NMNAT2: variants seen among roughly 807,000 people sequenced by gnomAD.
NMNAT2 encodes nicotinamide nucleotide adenylyltransferase 2.
NMNAT2 carries 11 observed loss-of-function variants against 41.6 expected under a neutral mutation model. That is an observed-to-expected ratio of 0.26 (90% CI 0.17 to 0.44). NMNAT2 has a LOEUF of 0.44. NMNAT2 is among the 20% of genes least tolerant of loss of function. NMNAT2 has a pLI of 1.00. For missense variants in NMNAT2, 288 were observed against 407.7 expected, an observed-to-expected ratio of 0.71 and a Z score of 2.53; for synonymous variants, 148 against 151.2, an observed-to-expected ratio of 0.98 and a Z score of 0.16.
intron 1 of NMNAT2, among the ~76,000 whole-genome samples, chr1:183,325,602 T>A (rs970136466): frequency 6.6e-6 from 1 of 152,210 alleles, no homozygotes; most frequent in East Asian, 1.9e-4. Flanking sequence ...GGAGTGACTT[T>A]AAATAAAACT....
At chr1:183,304,596 G>C in intron 1 of NMNAT2, 1 of 1,390,856 alleles carries the variant, frequency 7.2e-7, no homozygotes, top group Non-Finnish European at 1.0e-6. Flanking sequence ...ACAGAATCCT[G>C]TTTTCTTGAC....
intron 10 of NMNAT2, among the ~76,000 whole-genome samples, chr1:183,259,554 T>A (rs536215174): frequency 6.6e-6 from 1 of 152,284 alleles, no homozygotes; most frequent in East Asian, 1.9e-4. Context: ...ATGTTCCCCA[T>A]AGTCTTCTCT....
chr1:183,388,772 C>A (rs1648335655), intron 1 of NMNAT2, among the ~76,000 whole-genome samples: 2 of 152,204 alleles, frequency 1.3e-5, no homozygotes, highest in African/African-American at 4.8e-5. Context: ...TACATAAAGG[C>A]AGAGACTTCA....
chr1:183,300,945 G>C (rs1349133661), intron 1 of NMNAT2, among the ~76,000 whole-genome samples: 1 of 152,140 alleles, frequency 6.6e-6, no homozygotes, highest in Non-Finnish European at 1.5e-5. Context: ...TTAGAATATA[G>C]ATTCTGATTC....
intron 1 of NMNAT2, among the ~76,000 whole-genome samples, chr1:183,370,656 G>C (rs1284492680): frequency 6.6e-6 from 1 of 152,238 alleles, no homozygotes; most frequent in Non-Finnish European, 1.5e-5. Context: ...AGGCAGCGTT[G>C]AGGAGAGTAC....
Position 183,351,198 on chromosome 1 carries a change from A to G in NMNAT2, c.86-57405T>C, listed in dbSNP as rs188846182. 2.6e-5 allele frequency among the ~76,000 whole-genome samples: 4 copies of G among 152,368 alleles called. No individual in the cohort carries two copies. The East Asian group carries it at 7.7e-4, about 29-fold the overall frequency. ...ATAGGAGTTTTCTGGAGATAATACT[A>G]TAATCAAAAAAGAGGCCCAAAGGCA... On this transcript the variant is annotated intron_variant, in intron 1 of 10. Coordinates refer to ENST00000287713, the MANE Select transcript of NMNAT2 (RefSeq NM_015039.4).
At chr1:183,263,974 A>G (rs1332930357) in intron 8 of NMNAT2, among the ~76,000 whole-genome samples, 1 of 152,158 alleles carries the variant, frequency 6.6e-6, no homozygotes, top group African/African-American at 2.4e-5. Flanking sequence ...AGAGAAAGAG[A>G]TAGAAAAGAG....
At chr1:183,288,234 G>T (rs887208347) in intron 4 of NMNAT2, among the ~76,000 whole-genome samples, 1 of 152,262 alleles carries the variant, frequency 6.6e-6, no homozygotes, top group South Asian at 2.1e-4. Flanking sequence ...TCCTGCCCTC[G>T]TCAGCCCCCA....
chr1:183,333,767 A>G (rs1340965337), intron 1 of NMNAT2, among the ~76,000 whole-genome samples: 1 of 152,142 alleles, frequency 6.6e-6, no homozygotes, highest in East Asian at 1.9e-4. Context: ...AACTCAAGTC[A>G]TTGCTGGATA....
chr1:183,257,261 TA>T (rs1436228154), intron 10 of NMNAT2, among the ~76,000 whole-genome samples: 3 of 151,834 alleles, frequency 2.0e-5, no homozygotes, highest in Non-Finnish European at 4.4e-5. Context: ...GCCAACATAG[TA>T]AAACCCTGTC....
At chr1:183,273,582 G>GTA (rs1661039566) in intron 8 of NMNAT2, among the ~76,000 whole-genome samples, 1 of 152,130 alleles carries the variant, frequency 6.6e-6, no homozygotes, top group African/African-American at 2.4e-5. Context: ...GGCTCATTCT[G>GTA]TATCCACTCC....
chr1:183,301,391 A>G (rs545794635), intron 1 of NMNAT2, among the ~76,000 whole-genome samples: 25 of 152,380 alleles, frequency 1.6e-4, no homozygotes, highest in African/African-American at 6.0e-4. Context: ...ATTTCTGCAC[A>G]TTAGTAGAAA....
chr1:183,366,425 C>G (rs1663414615), intron 1 of NMNAT2, among the ~76,000 whole-genome samples: 1 of 152,214 alleles, frequency 6.6e-6, no homozygotes, highest in African/African-American at 2.4e-5. Flanking sequence ...TCATCATCAT[C>G]ATTAATTAGT....
rs148974058 is a variant in NMNAT2 at position 183,378,764 on chromosome 1, C to T, written c.85+39419G>A. 1.2e-3 allele frequency among the ~76,000 whole-genome samples: 175 copies of T among 151,884 alleles called. 1 individual carries two copies. The highest frequency in any genetic ancestry group is 3.7e-3 in the African/African-American group (153 of 41,378). ...ACACCAGTTTAAAAGTAGATATTGG[C>T]CAGGCGAGGTGGCTCATGCTTGTAA... On this transcript the variant is annotated intron_variant, in intron 1 of 10. Transcript: ENST00000287713.
At chr1:183,380,271 C>A (rs1420771238) in intron 1 of NMNAT2, among the ~76,000 whole-genome samples, 1 of 152,126 alleles carries the variant, frequency 6.6e-6, no homozygotes, top group Non-Finnish European at 1.5e-5. Flanking sequence ...GCTAACCTTA[C>A]CCCTGAATTT....
intron 8 of NMNAT2, among the ~76,000 whole-genome samples, chr1:183,270,768 G>A (rs570197957): frequency 8.3e-4 from 126 of 152,276 alleles, no homozygotes; most frequent in African/African-American, 2.4e-3. Flanking sequence ...GGTATCAGTC[G>A]TATCAGTGTG....
chr1:183,304,426 G>A (rs1034269053), intron 1 of NMNAT2, among the ~76,000 whole-genome samples: 1 of 152,180 alleles, frequency 6.6e-6, no homozygotes, highest in Non-Finnish European at 1.5e-5. Context: ...GGGGATGATA[G>A]GTTACCCACA....
Position 183,338,149 on chromosome 1 carries a change from T to TAAAA in NMNAT2, c.86-44360_86-44357dup, listed in dbSNP as rs59064477. 8.7e-3 allele frequency among the ~76,000 whole-genome samples: 841 copies of TAAAA among 96,376 alleles called. 27 individuals carry two copies. Among genetic ancestry groups the TAAAA allele is most frequent in the African/African-American group, 0.031 (782 of 25,240 alleles). 63.2% of individuals were successfully genotyped at this position (96,376 alleles called of 152,430 possible). A position where few individuals can be genotyped will look rare whatever the true frequency, so the allele number is the denominator to read the frequency against. ...CAACATAGTGAGACCCCCATCTCTT[T>TAAAA]AAAAAAAAAAAAAAAAAAAGCAAAT... On this transcript the variant is annotated intron_variant, in intron 1 of 10. Coordinates refer to ENST00000287713, the MANE Select transcript of NMNAT2 (RefSeq NM_015039.4).
intron 1 of NMNAT2, among the ~76,000 whole-genome samples, chr1:183,351,393 A>T (rs867373653): frequency 2.0e-5 from 3 of 152,194 alleles, no homozygotes; most frequent in Non-Finnish European, 4.4e-5. Flanking sequence ...GGAGTAGTGT[A>T]GTTCTAGGTG....
Sources: gnomAD v4.1 joint callset for allele counts (sites outside exome capture counted in the v4.1 genomes callset) on GRCh38, gnomAD v4.1.1 for gene constraint, MANE v1.5 for transcripts, NCBI Gene and HGNC (gene_info 2026-07-23, HGNC 2026-07-21) for gene names.